Variants in PDE1A observed in about 807,000 individuals in gnomAD.
The protein encoded by PDE1A is phosphodiesterase 1A, also known as dual specificity calcium/calmodulin-dependent 3',5'-cyclic nucleotide phosphodiesterase 1A.
Under a neutral mutation model 61.7 loss-of-function variants are expected in PDE1A, and 35 were observed. The observed-to-expected ratio is 0.57, with a 90% CI of 0.43 to 0.75. The LOEUF is 0.75. PDE1A is among the 30% of genes least tolerant of loss of function. PDE1A has a pLI of 0.00. For missense variants in PDE1A, 597 were observed against 630.6 expected (o/e 0.95, Z 0.57); for synonymous variants, 232 against 213.2 (o/e 1.09, Z -0.77).
chr2:182,521,563 G>T lies in PDE1A; in HGVS notation c.101+713C>A, dbSNP rs530819843. On this transcript the variant is annotated intron_variant, in intron 2 of 14. Transcript: ENST00000410103. Reference sequence around the variant, plus strand: ...AGTAGCACACACAGCTAAAAAAAATGTAAGGGTGTAAATATCAAGCTGAAT... The same window carrying T: ...AGTAGCACACACAGCTAAAAAAAATTTAAGGGTGTAAATATCAAGCTGAAT... 6.9e-4 allele frequency among the ~76,000 whole-genome samples: 105 copies of T among 152,128 alleles called. No individual in the cohort carries two copies. In the Middle Eastern group the frequency reaches 0.017, roughly 25 times the overall value.
rs1267425343 is a variant in PDE1A, at chr2:182,177,096, T to C, written c.1516+8796A>G. 4.6e-5 allele frequency among the ~76,000 whole-genome samples: 7 copies of C among 151,300 alleles called. No individual in the cohort carries two copies. The South Asian group carries it at 1.5e-3, about 32-fold the overall frequency. On this transcript the variant is annotated intron_variant, in intron 13 of 13. Coordinates refer to ENST00000351439, the Ensembl canonical transcript of PDE1A. ...TGCTGGATTCGTTTTGCCAGTATTT[T>C]ATTGAGGATTTTTGCATCAATGTTC...
chr2:182,677,842 C>T, the PDE1A span, among the ~76,000 whole-genome samples: 1 of 152,198 alleles, frequency 6.6e-6, no homozygotes, highest in African/African-American at 2.4e-5. Flanking sequence ...AACTGGACCC[C>T]TTCCTTACAA....
the PDE1A span, among the ~76,000 whole-genome samples, chr2:182,632,594 C>T: frequency 1.3e-5 from 2 of 152,060 alleles, no homozygotes; most frequent in Admixed American, 6.6e-5. Flanking sequence ...TTCTTTCCTC[C>T]ACTGTTACCA....
downstream of PDE1A, chr2:182,143,081 AG>A (rs1690303517): frequency 6.6e-6 from 1 of 152,192 alleles, no homozygotes; most frequent in African/African-American, 2.4e-5. Flanking sequence ...GAGAAGAAAG[AG>A]TGGGAAGTGG....
At chr2:182,258,470 G>T (rs1182533469) in intron 2 of PDE1A, among the ~76,000 whole-genome samples, 1 of 152,192 alleles carries the variant, frequency 6.6e-6, no homozygotes, top group Non-Finnish European at 1.5e-5. Flanking sequence ...ACTTTAGGAT[G>T]GAGAACATAT....
the PDE1A span, among the ~76,000 whole-genome samples, chr2:182,618,705 C>T: frequency 6.6e-6 from 1 of 152,140 alleles, no homozygotes; most frequent in African/African-American, 2.4e-5. Context: ...CTTTGATATA[C>T]ATGGTTATTT....
chr2:182,450,721 A>C (rs371417833), intron 2 of PDE1A, among the ~76,000 whole-genome samples: 7 of 152,124 alleles, frequency 4.6e-5, no homozygotes, highest in African/African-American at 1.7e-4. Flanking sequence ...CATCAGAGAG[A>C]TGTTACATGA....
intron 7 of PDE1A, among the ~76,000 whole-genome samples, chr2:182,207,267 G>A (rs1056379492): frequency 3.3e-5 from 5 of 152,300 alleles, no homozygotes; most frequent in African/African-American, 1.2e-4. Flanking sequence ...CTTAGGTAGA[G>A]ATAAGGAGGT....
chr2:182,425,809 A>T (rs1703582725), intron 1 of PDE1A, among the ~76,000 whole-genome samples: 1 of 152,220 alleles, frequency 6.6e-6, no homozygotes, highest in Non-Finnish European at 1.5e-5. Context: ...CTGATATATA[A>T]CTGACTTTCT....
intron 2 of PDE1A, among the ~76,000 whole-genome samples, chr2:182,498,467 A>G (rs1197037029): frequency 3.3e-5 from 5 of 152,068 alleles, no homozygotes; most frequent in African/African-American, 9.7e-5. Flanking sequence ...AGGAGAAAAA[A>G]ATATAAGAAA....
chr2:182,229,931 A>C (rs1218258203), intron 6 of PDE1A, 75 bp downstream of exon 6: 1 of 1,130,524 alleles, frequency 8.8e-7, no homozygotes. Flanking sequence ...CATTAAAGAG[A>C]CAATAGAAAC....
intron 1 of PDE1A, among the ~76,000 whole-genome samples, chr2:182,323,987 G>A (rs150842699): frequency 0.016 from 2,396 of 152,152 alleles, 26 homozygotes; most frequent in Middle Eastern, 0.031. Context: ...TCAGAGACTC[G>A]CTACACCAGT....
upstream of PDE1A, among the ~76,000 whole-genome samples, chr2:182,527,659 CA>C (rs1181491051): frequency 6.6e-6 from 1 of 151,818 alleles, no homozygotes. Context: ...TCAAGAAAGA[CA>C]AAAAAAGTTC....
chr2:182,229,956 G>A (rs998286444), intron 6 of PDE1A, 50 bp downstream of exon 6: 4 of 1,493,236 alleles, frequency 2.7e-6, no homozygotes, highest in Admixed American at 3.6e-5. Context: ...AGGAATGGAA[G>A]TTTGGAATGC....
chr2:182,528,759 C>T, the PDE1A span, among the ~76,000 whole-genome samples: 1 of 152,288 alleles, frequency 6.6e-6, no homozygotes, highest in African/African-American at 2.4e-5. Flanking sequence ...CCCTGTATCC[C>T]AGCCAGTCCA....
Position 182,155,938 on chromosome 2 carries a change from A to G in PDE1A, c.1517-8786T>C, listed in dbSNP as rs532374562. On this transcript the variant is annotated intron_variant, in intron 13 of 13. Transcript: ENST00000409365. ...AGCTCAAGGGCGGGGCCAGGTGAAG[A>G]TAATTGAATCATGGTTGCAGTTTCT... is the stretch of plus-strand genomic sequence containing the variant. Among the ~76,000 whole-genome samples the G allele has an allele frequency of 4.6e-5, 7 of 152,178 alleles. 1 individual carries two copies. In the South Asian group the frequency reaches 1.5e-3, roughly 32 times the overall value.
chr2:182,368,556 G>A (rs901872908), intron 1 of PDE1A, among the ~76,000 whole-genome samples: 3 of 151,492 alleles, frequency 2.0e-5, no homozygotes, highest in African/African-American at 7.3e-5. Flanking sequence ...GACTACAATG[G>A]GGCTGAGAGA....
intron 1 of PDE1A, among the ~76,000 whole-genome samples, chr2:182,335,144 A>G (rs1697710393): frequency 6.6e-6 from 1 of 152,210 alleles, no homozygotes; most frequent in African/African-American, 2.4e-5. Flanking sequence ...AAAACATTCC[A>G]TGCTCATGGA....
chr2:182,323,887 C>G (rs564223834), intron 1 of PDE1A, among the ~76,000 whole-genome samples: 1 of 152,258 alleles, frequency 6.6e-6, no homozygotes, highest in East Asian at 1.9e-4. Context: ...CCACACCATC[C>G]AAGGCACAAC....
Sources: allele counts gnomAD v4.1 joint callset (sites outside exome capture counted in the v4.1 genomes callset), GRCh38; gene constraint gnomAD v4.1.1; transcripts MANE v1.5; gene names NCBI Gene and HGNC (gene_info 2026-07-23, HGNC 2026-07-21).